GPI: variants seen among roughly 807,000 people sequenced by gnomAD.
The protein encoded by GPI is D-hexose-6-phosphate anomerase.
Under a neutral mutation model 75.8 loss-of-function variants are expected in GPI, and 56 were observed. That is an observed-to-expected ratio of 0.74 (90% CI 0.60 to 0.92). The LOEUF (loss-of-function observed/expected upper bound fraction) is 0.92. GPI is among the 40% of genes least tolerant of loss of function. GPI has a pLI of 0.00. For missense variants in GPI, 638 were observed against 741.0 expected, an observed-to-expected ratio of 0.86 and a Z score of 1.61; for synonymous variants, 288 against 285.4, an observed-to-expected ratio of 1.01 and a Z score of -0.09.
chr19:34,400,503 A>G lies in GPI; in HGVS notation c.*467A>G, dbSNP rs1214822293. On this transcript the variant is annotated 3_prime_UTR_variant, in exon 18 of 18. Coordinates refer to ENST00000356487, the MANE Select transcript of GPI (RefSeq NM_000175.5). ...GAAGACAATAGTGGGGTGGGGGCAC[A>G]ATCAGTCAGGACGGCAACTTGGCCT... The G allele has an allele frequency of 6.0e-6, 3 of 503,184 alleles. No individual in the cohort carries two copies. Among genetic ancestry groups the G allele is most frequent in the African/African-American group, 5.8e-5 (3 of 51,868 alleles). 31.2% of individuals were successfully genotyped at this position (503,184 alleles called of 1,614,324 possible).
At chr19:34,376,555 C>T (rs889494859) in intron 4 of GPI, among the ~76,000 whole-genome samples, 5 of 147,954 alleles carry the variant, frequency 3.4e-5, no homozygotes, top group Non-Finnish European at 7.4e-5. Context: ...CGGAGTGAGA[C>T]CCTGTCTCAA....
In GPI at chr19:34,393,811, A is replaced by T. The variant is rs779926047; in HGVS notation, c.909+40A>T. 73 of 1,610,410 alleles carry T rather than the reference A, an allele frequency of 4.5e-5. No individual in the cohort carries two copies. In the Middle Eastern group the frequency reaches 8.2e-4, roughly 18 times the overall value. On this transcript the variant is annotated intron_variant, in intron 11 of 17. Transcript: ENST00000356487. This position sits in a 1 kb window ranked among gnomAD's most constrained non-coding sequence, Gnocchi z 4.4. ...TGGTTCTCTGCCAAGTGCTGGCCAG[A>T]GGCGCGTGTGTTGGTCCTGGTCCCC...
intron 4 of GPI, 54 bp from the exon 5 acceptor site, chr19:34,377,449 G>A (rs2074563701): frequency 1.5e-6 from 2 of 1,295,208 alleles, no homozygotes; most frequent in Non-Finnish European, 2.2e-6. Context: ...ATGTTTTTGA[G>A]CAGCGGATTA....
rs548362616 is a variant in GPI, at chr19:34,393,830, G to C, written c.909+59G>C. The C allele has an allele frequency of 6.2e-7, 1 of 1,605,634 alleles. No homozygotes were observed. Among genetic ancestry groups the C allele is most frequent in the South Asian group, 1.1e-5 (1 of 90,916 alleles). ...GGCCAGAGGCGCGTGTGTTGGTCCT[G>C]GTCCCCCGCTTTCTCCCCCACTGTC... On this transcript the variant is annotated intron_variant, in intron 11 of 17. Coordinates refer to ENST00000356487, the MANE Select transcript of GPI (RefSeq NM_000175.5). This position sits in a 1 kb window ranked among gnomAD's most constrained non-coding sequence, Gnocchi z 4.4.
At chr19:34,374,733 G>GTT (rs562532196) in intron 4 of GPI, among the ~76,000 whole-genome samples, 14 of 139,866 alleles carry the variant, frequency 1.0e-4, no homozygotes, top group Non-Finnish European at 1.9e-4. Flanking sequence ...TTTTTTCTTT[G>GTT]TTTTTTTTTT....
At chr19:34,377,652 A>T in intron 5 of GPI, 66 bp downstream of exon 5, 1 of 1,589,548 alleles carries the variant, frequency 6.3e-7, no homozygotes, top group South Asian at 1.1e-5. Context: ...TCAGGTCTTT[A>T]CTTTCTCCAG....
chr19:34,373,850 C>T (rs867861598), intron 4 of GPI, among the ~76,000 whole-genome samples: 4 of 152,186 alleles, frequency 2.6e-5, no homozygotes, highest in East Asian at 1.9e-4. Context: ...ACAGACAGTT[C>T]GAGTGTCCTC....
At chr19:34,390,862 A>T (rs2074814165) in intron 9 of GPI, among the ~76,000 whole-genome samples, 1 of 135,736 alleles carries the variant, frequency 7.4e-6, no homozygotes, top group Admixed American at 7.4e-5. Context: ...TGGCACAGGT[A>T]TGAGTATCTG....
At chr19:34,360,851 C>T (rs748316924), upstream of GPI, among the ~76,000 whole-genome samples, 3 of 151,060 alleles carry the variant, frequency 2.0e-5, no homozygotes, top group Admixed American at 6.6e-5. Context: ...GATCTTGGCT[C>T]GCTGCAACCT....
intron 15 of GPI, 109 bp from the exon 16 acceptor site, chr19:34,399,447 C>T: frequency 6.4e-7 from 1 of 1,565,520 alleles, no homozygotes; most frequent in East Asian, 2.2e-5. Flanking sequence ...AATGGGAGGG[C>T]CTGTCCTCAC....
rs1195815170 is a variant in GPI, at chr19:34,366,827, T to C, written c.258T>C (p.Asn86=). 7 of 1,613,722 alleles carry C rather than the reference T, an allele frequency of 4.3e-6. No individual in the cohort carries two copies. In the South Asian group the frequency reaches 6.6e-5, roughly 15 times the overall value. The change falls in exon 3 of 18, where the codon AAT becomes AAC. Residue 86 remains asparagine (N), a synonymous_variant. Coordinates refer to ENST00000356487, the MANE Select transcript of GPI (RefSeq NM_000175.5). Reference sequence around the variant, plus strand: ...AGGCCGCCCGGGAGCGGATGTTCAATGGTGAGAAGATCAACTACACCGAGG... The same window carrying C: ...AGGCCGCCCGGGAGCGGATGTTCAACGGTGAGAAGATCAACTACACCGAGG... ...GVEAARERMF[N]GEKINYTEGR...
At chr19:34,385,460 T>C (rs2074721362) in intron 9 of GPI, among the ~76,000 whole-genome samples, 1 of 151,994 alleles carries the variant, frequency 6.6e-6, no homozygotes, top group Non-Finnish European at 1.5e-5. Flanking sequence ...GTATGTGGAA[T>C]TGAGTTTCTT....
intron 3 of GPI, among the ~76,000 whole-genome samples, chr19:34,367,990 G>A (rs1371798231): frequency 6.6e-6 from 1 of 152,190 alleles, no homozygotes; most frequent in African/African-American, 2.4e-5. Context: ...GTGCGATCTT[G>A]GCTCACTGCA....
intron 14 of GPI, 147 bp downstream of exon 14, chr19:34,396,804 CTCT>C: frequency 1.4e-6 from 1 of 720,412 alleles, no homozygotes; most frequent in Middle Eastern, 2.6e-4. Flanking sequence ...TAAAACAACA[CTCT>C]TCTTTTGTGG....
chr19:34,372,460 A>G (rs1392480497), intron 4 of GPI, among the ~76,000 whole-genome samples: 2 of 152,192 alleles, frequency 1.3e-5, no homozygotes, highest in South Asian at 4.2e-4. Context: ...TGGGCAACAT[A>G]ACAAGACCCT....
chr19:34,365,490 G>T, intron 1 of GPI, 102 bp downstream of exon 1: 1 of 1,497,158 alleles, frequency 6.7e-7, no homozygotes, highest in African/African-American at 1.4e-5. Context: ...GGGGACCCCA[G>T]TCCCCGACCT....
At chr19:34,369,053 CT>C (rs891228498) in intron 4 of GPI, among the ~76,000 whole-genome samples, 264 of 144,046 alleles carry the variant, frequency 1.8e-3, no homozygotes, top group Admixed American at 1.7e-3. Context: ...TTTCTTTTTT[CT>C]TTTTTTTTTT....
At chr19:34,390,774 G>A (rs898616189) in intron 9 of GPI, among the ~76,000 whole-genome samples, 2 of 149,134 alleles carry the variant, frequency 1.3e-5, no homozygotes, top group Non-Finnish European at 3.0e-5. Context: ...TGAGGATATG[G>A]GTCTTCCATG....
At position 34,365,233 on chromosome 19, in the gene GPI, T is replaced by A. The variant is rs535827434; in HGVS notation, c.-34T>A. On this transcript the variant is annotated 5_prime_UTR_variant, in exon 1 of 18. Transcript: ENST00000356487. The stretch of plus-strand genomic sequence containing the variant: ...CTGCCGGCGCTCCTTCCTCCTCGGC[T>A]CGCGTCTCACTCAGTGTACCTTCTA... 1.4e-6 allele frequency: 2 copies of A among 1,467,990 alleles called. No homozygotes were observed. The highest frequency in any genetic ancestry group is 1.4e-5 in the African/African-American group (1 of 69,072). 90.9% of individuals were successfully genotyped at this position (1,467,990 alleles called of 1,614,324 possible). A position where few individuals can be genotyped will look rare whatever the true frequency, so the allele number is the denominator to read the frequency against.
Sources: gnomAD v4.1 joint callset for allele counts (sites outside exome capture counted in the v4.1 genomes callset) on GRCh38, gnomAD v4.1.1 for gene constraint, Gnocchi (gnomAD v3.1) non-coding constraint, MANE v1.5 for transcripts, NCBI Gene and HGNC (gene_info 2026-07-23, HGNC 2026-07-21) for gene names.